The following ATP8B4 variants were observed in gnomAD, a reference collection of about 807,000 sequenced individuals.
The protein encoded by ATP8B4 is ATPase phospholipid transporting 8B4 (putative).
In ATP8B4, 133 loss-of-function variants were observed where a neutral mutation model predicts 145.6. The observed-to-expected ratio is 0.91, with a 90% CI of 0.79 to 1.05. The LOEUF (loss-of-function observed/expected upper bound fraction) is 1.05, where lower values mean the gene tolerates loss of function less well. ATP8B4 is among the 50% of genes least tolerant of loss of function. The pLI, the probability that ATP8B4 is intolerant of heterozygous loss-of-function variation, is 0.00. For missense variants in ATP8B4, 1,458 were observed against 1,425.2 expected (o/e 1.02, Z -0.37); for synonymous variants, 507 against 492.9 (o/e 1.03, Z -0.38).
At chr15:50,158,054 G>A (rs1353183560) in intron 1 of ATP8B4, among the ~76,000 whole-genome samples, 3 of 152,234 alleles carry the variant, frequency 2.0e-5, no homozygotes, top group African/African-American at 4.8e-5. Flanking sequence ...CGTTCACTCA[G>A]TGCTCAGTGG....
At chr15:50,116,111 A>G (rs2057153177) in intron 1 of ATP8B4, among the ~76,000 whole-genome samples, 1 of 152,152 alleles carries the variant, frequency 6.6e-6, no homozygotes. Flanking sequence ...ATAGTTAAAT[A>G]TGCAGTCTAT....
At chr15:49,978,424 G>A (rs962524274) in intron 12 of ATP8B4, among the ~76,000 whole-genome samples, 1 of 152,148 alleles carries the variant, frequency 6.6e-6, no homozygotes, top group Non-Finnish European at 1.5e-5. Flanking sequence ...ACTACTTCAA[G>A]TGAATTTCCC....
In ATP8B4 at chr15:50,140,178, A is replaced by C. The variant is rs1221797019; in HGVS notation, c.-42-33170T>G. ...ACCCCAAAAGCTATTGAAATAAAAAATGTTTTTAAAGAAAGAAAATAAAAG... is the reference window on the plus strand; with the variant it reads ...ACCCCAAAAGCTATTGAAATAAAAACTGTTTTTAAAGAAAGAAAATAAAAG... On this transcript the variant is annotated intron_variant, in intron 1 of 3. Transcript: ENST00000558829. Among the ~76,000 whole-genome samples the C allele has an allele frequency of 3.6e-4, 55 of 152,214 alleles. 1 individual carries two copies. The highest frequency in any genetic ancestry group is 3.5e-3 in the Admixed American group (54 of 15,284).
intron 6 of ATP8B4, among the ~76,000 whole-genome samples, chr15:50,023,013 GA>G (rs2049706144): frequency 6.6e-6 from 1 of 152,088 alleles, no homozygotes; most frequent in Non-Finnish European, 1.5e-5. Flanking sequence ...TTAGGAAGAT[GA>G]AAACTTTCTG....
intron 1 of ATP8B4, among the ~76,000 whole-genome samples, chr15:50,173,235 C>T (rs1432166850): frequency 1.3e-5 from 2 of 152,092 alleles, no homozygotes; most frequent in African/African-American, 2.4e-5. Context: ...ATGACGATGG[C>T]GGTTTTGTCG....
At chr15:50,098,066 C>T (rs965686060) in intron 2 of ATP8B4, among the ~76,000 whole-genome samples, 1 of 151,996 alleles carries the variant, frequency 6.6e-6, no homozygotes, top group Non-Finnish European at 1.5e-5. Context: ...CAATTGTGTT[C>T]ACAAAGGACA....
At chr15:49,860,922 A>G (rs1348087492) in intron 27 of ATP8B4, among the ~76,000 whole-genome samples, 2 of 152,126 alleles carry the variant, frequency 1.3e-5, no homozygotes, top group Non-Finnish European at 2.9e-5. Flanking sequence ...GAAATATTCA[A>G]TTCTTGTGGT....
intron 1 of ATP8B4, among the ~76,000 whole-genome samples, chr15:50,144,545 C>T (rs2044251490): frequency 1.3e-5 from 2 of 152,148 alleles, no homozygotes; most frequent in Admixed American, 1.3e-4. Context: ...CATCAGATCA[C>T]ATGAGACTCA....
chr15:49,884,259 A>G (rs1313501076), intron 23 of ATP8B4, among the ~76,000 whole-genome samples: 1 of 152,122 alleles, frequency 6.6e-6, no homozygotes. Flanking sequence ...AGTGCCCACA[A>G]CACTGACCAC....
At chr15:50,049,324 C>G (rs964828263) in intron 3 of ATP8B4, among the ~76,000 whole-genome samples, 1 of 152,114 alleles carries the variant, frequency 6.6e-6, no homozygotes, top group Admixed American at 6.6e-5. Flanking sequence ...TCTAGTAATC[C>G]CCAATGTCTA....
At chr15:49,912,438 T>C (rs1413926142) in intron 20 of ATP8B4, among the ~76,000 whole-genome samples, 1 of 152,158 alleles carries the variant, frequency 6.6e-6, no homozygotes, top group African/African-American at 2.4e-5. Flanking sequence ...GATAAATTTC[T>C]GGACACATGC....
intron 6 of ATP8B4, among the ~76,000 whole-genome samples, chr15:50,016,622 T>A (rs1196723320): frequency 6.6e-6 from 1 of 152,104 alleles, no homozygotes; most frequent in Admixed American, 6.5e-5. Context: ...AACAGGCCTT[T>A]ACAATAGGAT....
intron 1 of ATP8B4, among the ~76,000 whole-genome samples, chr15:50,150,026 G>A (rs1318443631): frequency 8.6e-5 from 13 of 151,976 alleles, no homozygotes; most frequent in Admixed American, 5.2e-4. Flanking sequence ...GCTTGAACCC[G>A]GGAGGTGGAG....
At chr15:50,178,626 T>C (rs2044799124) in intron 1 of ATP8B4, among the ~76,000 whole-genome samples, 1 of 152,146 alleles carries the variant, frequency 6.6e-6, no homozygotes, top group Non-Finnish European at 1.5e-5. Context: ...GTCTCCCGAG[T>C]AGCTGGAATT....
intron 6 of ATP8B4, among the ~76,000 whole-genome samples, chr15:50,025,604 T>C (rs781593121): frequency 1.3e-4 from 20 of 152,230 alleles, no homozygotes; most frequent in Non-Finnish European, 2.8e-4. Flanking sequence ...AATCCATTCC[T>C]AAACTGCTTC....
At chr15:49,949,255 G>A (rs1374572830) in intron 14 of ATP8B4, among the ~76,000 whole-genome samples, 2 of 152,112 alleles carry the variant, frequency 1.3e-5, no homozygotes, top group Non-Finnish European at 2.9e-5. Flanking sequence ...AAATTACTTT[G>A]GGCAGTATGG....
chr15:50,048,889 T>C (rs2051946245), intron 3 of ATP8B4, among the ~76,000 whole-genome samples: 1 of 152,042 alleles, frequency 6.6e-6, no homozygotes, highest in Non-Finnish European at 1.5e-5. Flanking sequence ...TCAGACAGGA[T>C]TTGTACTGAT....
At position 49,931,197 on chromosome 15, in the gene ATP8B4, C is replaced by A; in HGVS notation, c.1564G>T (p.Glu522Ter). The A allele has an allele frequency of 1.2e-6, 2 of 1,612,684 alleles. No homozygotes were observed. The highest frequency in any genetic ancestry group is 1.7e-6 in the Non-Finnish European group (2 of 1,179,122). The change falls in exon 16 of 28, where the codon GAA becomes TAA. Residue 522 changes from glutamate to a stop codon, truncating the protein, a stop_gained. Transcript: ENST00000284509. LOFTEE classifies it high-confidence loss of function. ...SRTPETITIE[E>*]LGTLVTYQLL... is the part of the protein sequence containing the mutation. ...TGATAAGTAACTAGTGTTCCCAATT[C>A]TTCTATTGTTATGGTCTCTGGGGTC...
intron 2 of ATP8B4, among the ~76,000 whole-genome samples, chr15:50,081,548 T>C (rs779217736): frequency 6.6e-6 from 1 of 152,206 alleles, no homozygotes; most frequent in Admixed American, 6.5e-5. Flanking sequence ...TTCTCCATCA[T>C]AATATAATAA....
Sources: gnomAD v4.1 joint callset for allele counts (sites outside exome capture counted in the v4.1 genomes callset) on GRCh38, gnomAD v4.1.1 for gene constraint, MANE v1.5 for transcripts, NCBI Gene and HGNC (gene_info 2026-07-23, HGNC 2026-07-21) for gene names.